The following NT5E variants were observed in gnomAD, a reference collection of about 807,000 sequenced individuals.
NT5E encodes the protein 5'-nucleotidase ecto, also known as 5'-nucleotidase.
In NT5E, 53 loss-of-function variants were observed where a neutral mutation model predicts 55.1. The observed-to-expected ratio is 0.96, with a 90% CI of 0.77 to 1.21. The LOEUF is 1.21. Among genes scored for constraint, NT5E ranks in the 50% most tolerant of loss-of-function variants. The probability of loss-of-function intolerance (pLI) is 0.00; values close to 1 mark genes in which losing one functional copy is unlikely to be tolerated. For synonymous variants in NT5E, 270 were observed against 278.4 expected, an observed-to-expected ratio of 0.97 and a Z score of 0.30; for missense variants, 683 against 724.3, an observed-to-expected ratio of 0.94 and a Z score of 0.65.
chr6:85,460,648 T>A (rs1019090576), intron 1 of NT5E, among the ~76,000 whole-genome samples: 3 of 152,200 alleles, frequency 2.0e-5, no homozygotes, highest in Non-Finnish European at 4.4e-5. Flanking sequence ...CTTCTATGTT[T>A]TTTTTTCCCA....
intron 3 of NT5E, among the ~76,000 whole-genome samples, chr6:85,475,049 A>G (rs1474940870): frequency 6.6e-6 from 1 of 152,248 alleles, no homozygotes; most frequent in Non-Finnish European, 1.5e-5. Flanking sequence ...TCTGCTGAAT[A>G]ATTTTATGGA....
At chr6:85,459,340 A>G (rs1026883238) in intron 1 of NT5E, among the ~76,000 whole-genome samples, 1 of 152,218 alleles carries the variant, frequency 6.6e-6, no homozygotes, top group Non-Finnish European at 1.5e-5. Context: ...CGTGTAAGTG[A>G]CTAGCTAAAT....
rs1201435438 is a variant in NT5E, at chr6:85,495,467, CTT to C, written c.*1464_*1465del. 1.3e-5 allele frequency: 2 copies of C among 152,188 alleles called. No individual in the cohort carries two copies. Among genetic ancestry groups the C allele is most frequent in the Non-Finnish European group, 2.9e-5 (2 of 68,036 alleles). 9.4% of individuals were successfully genotyped at this position (152,188 alleles called of 1,614,324 possible). A position where few individuals can be genotyped will look rare whatever the true frequency, so the allele number is the denominator to read the frequency against. ...TTAGTGTTTACAAATATTAAGTACT[CTT>C]GATACAAAATATACTTTTAAACTTC... On this transcript the variant is annotated 3_prime_UTR_variant, in exon 9 of 9. Coordinates refer to ENST00000257770, the MANE Select transcript of NT5E (RefSeq NM_002526.4).
chr6:85,458,736 TC>T (rs1163310188), intron 1 of NT5E, among the ~76,000 whole-genome samples: 1 of 152,226 alleles, frequency 6.6e-6, no homozygotes, highest in Admixed American at 6.5e-5. Context: ...AGTTGAACCT[TC>T]CTGGACCTCA....
intron 1 of NT5E, among the ~76,000 whole-genome samples, chr6:85,463,895 T>A (rs1223427029): frequency 6.6e-6 from 1 of 152,068 alleles, no homozygotes; most frequent in Non-Finnish European, 1.5e-5. Flanking sequence ...ACAAAGGAAT[T>A]TGTCTGCATT....
At chr6:85,472,610 T>A (rs911135071) in intron 3 of NT5E, among the ~76,000 whole-genome samples, 1 of 152,214 alleles carries the variant, frequency 6.6e-6, no homozygotes, top group African/African-American at 2.4e-5. Context: ...AGTTCCACGT[T>A]ACTGTGAAAA....
chr6:85,454,224 T>A (rs1768946072), intron 1 of NT5E, among the ~76,000 whole-genome samples: 1 of 152,240 alleles, frequency 6.6e-6, no homozygotes, highest in South Asian at 2.1e-4. Context: ...AGGAGCAGAA[T>A]TGCTGGCCAC....
At chr6:85,461,725 C>A (rs1196350790) in intron 1 of NT5E, among the ~76,000 whole-genome samples, 2 of 152,112 alleles carry the variant, frequency 1.3e-5, no homozygotes. Context: ...TTCCGTCCTG[C>A]CCCAGCTTGA....
At chr6:85,471,189 T>C (rs112225653) in intron 2 of NT5E, 48 bp from the exon 3 acceptor site, 8 of 1,277,316 alleles carry the variant, frequency 6.3e-6, no homozygotes. Flanking sequence ...TTAAGTAATA[T>C]AATAAAAATT....
chr6:85,464,709 A>C (rs1297870943), intron 1 of NT5E, among the ~76,000 whole-genome samples: 5 of 152,226 alleles, frequency 3.3e-5, no homozygotes, highest in African/African-American at 1.2e-4. Context: ...TTAGCAAAAG[A>C]AATGAGAATA....
At chr6:85,456,993 C>T (rs1430176864) in intron 1 of NT5E, among the ~76,000 whole-genome samples, 1 of 152,194 alleles carries the variant, frequency 6.6e-6, no homozygotes, top group African/African-American at 2.4e-5. Flanking sequence ...ACAGGGCCAG[C>T]CCCTAGTAAG....
rs141370047 is a variant in NT5E, at chr6:85,471,376, G to C, written c.702G>C (p.Arg234Ser). ...EMDKLIAQKV[R>S]GVDVVVGGHS... Reference sequence around the variant, plus strand: ...ATAAACTCATCGCTCAGAAAGTGAGGGGTGTGGACGTCGTGGTGGGAGGAC... The same window carrying C: ...ATAAACTCATCGCTCAGAAAGTGAGCGGTGTGGACGTCGTGGTGGGAGGAC... The change falls in exon 3 of 9, where the codon AGG (arginine) becomes AGC (serine). Residue 234 changes from arginine (R) to serine (S), a missense_variant. Transcript: ENST00000257770. 5.0e-6 allele frequency: 8 copies of C among 1,612,918 alleles called. No homozygotes were observed. In the African/African-American group the frequency reaches 9.3e-5, roughly 19 times the overall value.
intron 3 of NT5E, among the ~76,000 whole-genome samples, chr6:85,483,738 T>A (rs1020253025): frequency 6.6e-6 from 1 of 152,158 alleles, no homozygotes; most frequent in Non-Finnish European, 1.5e-5. Context: ...GGATTCTTCA[T>A]AACATGCTAC....
intron 7 of NT5E, chr6:85,491,352 C>T (rs1769779131): frequency 3.0e-6 from 1 of 337,086 alleles, no homozygotes; most frequent in South Asian, 2.3e-5. Context: ...TTTTTTTAAC[C>T]TTAGGTTGTG....
At position 85,467,060 on chromosome 6, in the gene NT5E, G is replaced by A. The variant is rs1264268325; in HGVS notation, c.340G>A (p.Ala114Thr). 2 of 1,613,264 alleles carry A rather than the reference G, an allele frequency of 1.2e-6. No homozygotes were observed. The highest frequency in any genetic ancestry group is 4.5e-5 in the East Asian group (2 of 44,880). The part of the protein sequence containing the change: ...FMNALRYDAM[A>T]LGNHEFDNGV... ...TTTTTCTCTTTTCTGTTTTATCTAG[G>A]CACTGGGAAATCATGAATTTGATAA... The change falls in exon 2 of 9, where the codon GCA (alanine) becomes ACA (threonine). Residue 114 changes from alanine to threonine, a missense_variant and splice_region_variant. Transcript: ENST00000257770.
intron 3 of NT5E, among the ~76,000 whole-genome samples, chr6:85,484,868 T>C (rs1403919225): frequency 2.6e-5 from 4 of 152,170 alleles, no homozygotes; most frequent in Admixed American, 6.5e-5. Flanking sequence ...GCAAGGAAAC[T>C]GAACTACAGT....
At chr6:85,462,271 G>GCCTC (rs1490906458) in intron 1 of NT5E, among the ~76,000 whole-genome samples, 1 of 152,102 alleles carries the variant, frequency 6.6e-6, no homozygotes, top group Non-Finnish European at 1.5e-5. Context: ...CCCCCGGACT[G>GCCTC]CCTCCAGCCC....
In NT5E at chr6:85,467,207, G is replaced by A. The variant is rs1351906286; in HGVS notation, c.487G>A (p.Val163Ile). ...QISGLYLPYK[V>I]LPVGDEVVGI... ...ATCAGGACTTTATTTGCCATATAAA[G>A]TTCTTCCTGTTGGTGATGAAGTTGT... The change falls in exon 2 of 9, where the codon GTT (valine) becomes ATT (isoleucine). Residue 163 changes from valine (V) to isoleucine (I), a missense_variant. Coordinates refer to ENST00000257770, the MANE Select transcript of NT5E (RefSeq NM_002526.4). 2 of 1,614,108 alleles carry A rather than the reference G, an allele frequency of 1.2e-6. No individual in the cohort carries two copies. The highest frequency in any genetic ancestry group is 1.7e-6 in the Non-Finnish European group (2 of 1,179,998).
At chr6:85,460,834 C>T (rs551575068) in intron 1 of NT5E, among the ~76,000 whole-genome samples, 1 of 152,322 alleles carries the variant, frequency 6.6e-6, no homozygotes, top group South Asian at 2.1e-4. Flanking sequence ...TGGTGGTTAA[C>T]ACAGGAACCA....
Sources: gnomAD v4.1 joint callset for allele counts (sites outside exome capture counted in the v4.1 genomes callset) on GRCh38, gnomAD v4.1.1 for gene constraint, MANE v1.5 for transcripts, NCBI Gene and HGNC (gene_info 2026-07-23, HGNC 2026-07-21) for gene names.